USP34: variants seen among roughly 807,000 people sequenced by gnomAD.
USP34 encodes ubiquitin carboxyl-terminal hydrolase 34.
USP34 carries 70 observed loss-of-function variants against 460.3 expected under a neutral mutation model. The observed-to-expected ratio is 0.15, with a 90% CI of 0.13 to 0.19. USP34 has a LOEUF of 0.19. Ranked by LOEUF, USP34 falls within the 10% of genes least tolerant of loss-of-function variation. The probability of loss-of-function intolerance (pLI) is 1.00; values close to 1 mark genes in which losing one functional copy is unlikely to be tolerated. For missense variants in USP34, 3,985 were observed against 4,236.2 expected (o/e 0.94, Z 1.65); for synonymous variants, 1,647 against 1,405.3 (o/e 1.17, Z -3.85).
intron 5 of USP34, among the ~76,000 whole-genome samples, chr2:61,388,792 CA>C (rs1693250805): frequency 1.3e-5 from 2 of 151,874 alleles, no homozygotes; most frequent in African/African-American, 4.8e-5. Flanking sequence ...TATGTACACA[CA>C]CACACACACA....
At chr2:61,242,254 A>G (rs1264430426) in intron 51 of USP34, among the ~76,000 whole-genome samples, 1 of 152,154 alleles carries the variant, frequency 6.6e-6, no homozygotes, top group Non-Finnish European at 1.5e-5. Flanking sequence ...CGAAGCTGTA[A>G]TTTATTCTGA....
In USP34 at chr2:61,298,537, C is replaced by CAAAAAAAAAAAAA. The variant is rs57087400; in HGVS notation, c.4129-1625_4129-1613dup. ...TGGAGGACAGAGTGAGACTCTGTCT[C>CAAAAAAAAAAAAA]AAAAAAAAAAAAAAAAAAAAAAAAA... On this transcript the variant is annotated intron_variant, in intron 29 of 79. Coordinates refer to ENST00000398571, the MANE Select transcript of USP34 (RefSeq NM_014709.4). Among the ~76,000 whole-genome samples, 41 of 28,288 alleles carry CAAAAAAAAAAAAA rather than the reference C, an allele frequency of 1.4e-3. 3 individuals carry two copies. Among genetic ancestry groups the CAAAAAAAAAAAAA allele is most frequent in the Admixed American group, 2.1e-3 (3 of 1,410 alleles). 18.6% of individuals were successfully genotyped at this position (28,288 alleles called of 152,430 possible).
At chr2:61,391,623 T>C (rs550151073) in intron 5 of USP34, among the ~76,000 whole-genome samples, 3 of 152,242 alleles carry the variant, frequency 2.0e-5, no homozygotes, top group East Asian at 1.9e-4. Flanking sequence ...CCTCACCCTA[T>C]TGAAGCCAAA....
chr2:61,414,468 C>T (rs994370712), intron 2 of USP34, among the ~76,000 whole-genome samples: 2 of 152,100 alleles, frequency 1.3e-5, no homozygotes, highest in Non-Finnish European at 2.9e-5. Context: ...AGGTCTAATA[C>T]ACATTTATCT....
At chr2:61,255,690 A>G (rs555038832) in intron 48 of USP34, among the ~76,000 whole-genome samples, 9 of 152,358 alleles carry the variant, frequency 5.9e-5, no homozygotes, top group South Asian at 4.1e-4. Context: ...TAAACAATTC[A>G]TAAGTGGTGT....
Position 61,187,474 on chromosome 2 carries a change from C to G in USP34, c.*628G>C, listed in dbSNP as rs1249711653. The G allele has an allele frequency of 3.0e-6, 3 of 984,826 alleles. No homozygotes were observed. The highest frequency in any genetic ancestry group is 2.2e-4 in the East Asian group (2 of 8,938). 61.0% of individuals were successfully genotyped at this position (984,826 alleles called of 1,614,324 possible). On this transcript the variant is annotated 3_prime_UTR_variant, in exon 80 of 80. Coordinates refer to ENST00000398571, the MANE Select transcript of USP34 (RefSeq NM_014709.4). ...CGTATGTAAACAAATGAAAAGTCAT[C>G]ACAATCAGTTTAATTAAGTGCACAG...
At chr2:61,408,752 G>A (rs867203615) in intron 2 of USP34, among the ~76,000 whole-genome samples, 13 of 151,848 alleles carry the variant, frequency 8.6e-5, no homozygotes, top group African/African-American at 1.2e-4. Flanking sequence ...AAAATTAGAC[G>A]GGCTTGGTGG....
intron 43 of USP34, among the ~76,000 whole-genome samples, chr2:61,264,771 C>T (rs529133332): frequency 6.6e-6 from 1 of 152,118 alleles, no homozygotes; most frequent in South Asian, 2.1e-4. Context: ...CACCTGTAAT[C>T]CCAGGACTTT....
At chr2:61,435,826 C>T (rs367822778) in intron 1 of USP34, among the ~76,000 whole-genome samples, 2 of 151,890 alleles carry the variant, frequency 1.3e-5, no homozygotes, top group African/African-American at 4.8e-5. Context: ...GTCAGGAGTT[C>T]GAGACCAGCC....
intron 5 of USP34, among the ~76,000 whole-genome samples, chr2:61,392,511 C>T (rs769183607): frequency 6.6e-6 from 1 of 152,012 alleles, no homozygotes; most frequent in Admixed American, 6.6e-5. Flanking sequence ...GTTATCCCAG[C>T]TACTAGGGAG....
chr2:61,332,472 T>A (rs980277587), intron 19 of USP34, among the ~76,000 whole-genome samples: 11 of 152,004 alleles, frequency 7.2e-5, no homozygotes, highest in African/African-American at 2.4e-4. Flanking sequence ...TTCAACTCAA[T>A]ATATTTAGGT....
Position 61,229,004 on chromosome 2 carries a change from C to G in USP34, c.7200-9G>C. On this transcript the variant is annotated splice_polypyrimidine_tract_variant and intron_variant, in intron 59 of 79. Coordinates refer to ENST00000398571, the MANE Select transcript of USP34 (RefSeq NM_014709.4). ...TATCCATATCATCTGACCTAAGAGA[C>G]AATTAAATAGATCTTAGAGAATGTA... 7 of 1,541,058 alleles carry G rather than the reference C, an allele frequency of 4.5e-6. No individual in the cohort carries two copies. Among genetic ancestry groups the G allele is most frequent in the Non-Finnish European group, 6.1e-6 (7 of 1,142,176 alleles).
chr2:61,250,347 A>T (rs1035941389), intron 48 of USP34: 1 of 170,542 alleles, frequency 5.9e-6, no homozygotes, highest in African/African-American at 2.4e-5. Context: ...ATTCCCCCCA[A>T]GGAGTTCCTC....
At chr2:61,202,774 C>T (rs1209743383) in intron 75 of USP34, among the ~76,000 whole-genome samples, 2 of 152,142 alleles carry the variant, frequency 1.3e-5, no homozygotes, top group Non-Finnish European at 2.9e-5. Flanking sequence ...TCTCATCGCA[C>T]CCTCAAGAGC....
intron 3 of USP34, among the ~76,000 whole-genome samples, chr2:61,397,040 A>T (rs994999100): frequency 6.6e-6 from 1 of 152,232 alleles, no homozygotes; most frequent in Non-Finnish European, 1.5e-5. Context: ...TCTGATGTTC[A>T]TAATTTTTAC....
intron 33 of USP34, among the ~76,000 whole-genome samples, chr2:61,291,529 T>C (rs1326818602): frequency 6.6e-6 from 1 of 152,208 alleles, no homozygotes; most frequent in Admixed American, 6.5e-5. Flanking sequence ...TTCCACTCCC[T>C]GGATTCAGCT....
intron 16 of USP34, among the ~76,000 whole-genome samples, chr2:61,342,156 C>T (rs1342938234): frequency 6.6e-6 from 1 of 152,120 alleles, no homozygotes; most frequent in Non-Finnish European, 1.5e-5. Context: ...GTTCCAGCTC[C>T]ACATTCTAAT....
intron 2 of USP34, among the ~76,000 whole-genome samples, chr2:61,417,885 A>G (rs1180213713): frequency 1.4e-5 from 2 of 145,008 alleles, no homozygotes; most frequent in Non-Finnish European, 3.0e-5. Flanking sequence ...GGGGTTACAC[A>G]TGAGCACCCC....
intron 10 of USP34, among the ~76,000 whole-genome samples, chr2:61,359,784 T>G (rs555118485): frequency 0.017 from 2,478 of 143,104 alleles, 45 homozygotes; most frequent in Middle Eastern, 0.025. Context: ...CAGTTGTTTT[T>G]TTTTTTTTTT....
Sources: gnomAD v4.1 joint callset for allele counts (sites outside exome capture counted in the v4.1 genomes callset) on GRCh38, gnomAD v4.1.1 for gene constraint, MANE v1.5 for transcripts, NCBI Gene and HGNC (gene_info 2026-07-23, HGNC 2026-07-21) for gene names.